Variants in SEMA6D observed in about 807,000 individuals in gnomAD.
SEMA6D encodes the protein semaphorin-6D.
A neutral mutation model predicts 106.6 loss-of-function variants in SEMA6D; 35 were observed. That is an observed-to-expected ratio of 0.33 (90% CI 0.25 to 0.44). The LOEUF (loss-of-function observed/expected upper bound fraction) is 0.44. Ranked by LOEUF, SEMA6D falls within the 20% of genes least tolerant of loss-of-function variation. The pLI, the probability that SEMA6D is intolerant of heterozygous loss-of-function variation, is 1.00. For missense variants in SEMA6D, 1,185 were observed against 1,345.9 expected (o/e 0.88, Z 1.87); for synonymous variants, 499 against 487.7 (o/e 1.02, Z -0.31).
chr15:47,329,257 C>T (rs1053119229), intron 1 of SEMA6D, among the ~76,000 whole-genome samples: 1 of 152,152 alleles, frequency 6.6e-6, no homozygotes, highest in Non-Finnish European at 1.5e-5. Context: ...GCTGAGGGGT[C>T]AGGGAAAGCT....
intron 4 of SEMA6D, among the ~76,000 whole-genome samples, chr15:47,626,428 G>A (rs2144365533): frequency 6.6e-6 from 1 of 152,312 alleles, no homozygotes; most frequent in Non-Finnish European, 1.5e-5. Flanking sequence ...AAAGTGGCCA[G>A]TAACCTACAT....
intron 3 of SEMA6D, among the ~76,000 whole-genome samples, chr15:47,509,206 T>C (rs1383253470): frequency 2.0e-5 from 3 of 152,196 alleles, no homozygotes; most frequent in African/African-American, 7.2e-5. Context: ...AAGCATTTGC[T>C]AAATTCTGGT....
intron 4 of SEMA6D, among the ~76,000 whole-genome samples, chr15:47,711,354 A>G (rs2079020249): frequency 6.7e-6 from 1 of 149,644 alleles, no homozygotes; most frequent in South Asian, 2.1e-4. Flanking sequence ...AATTATTTTT[A>G]CTCGCTGACT....
chr15:47,564,834 G>A (rs2046184014), intron 3 of SEMA6D, among the ~76,000 whole-genome samples: 1 of 152,152 alleles, frequency 6.6e-6, no homozygotes, highest in Admixed American at 6.5e-5. Context: ...GACTCAGCCA[G>A]CAGAGAGGAA....
chr15:47,718,733 C>G (rs945743048), intron 1 of SEMA6D: 6 of 152,264 alleles, frequency 3.9e-5, no homozygotes, highest in Admixed American at 6.5e-5. Context: ...GTTCTCATCT[C>G]CCCATCAATT....
chr15:47,257,352 C>G (rs1415510365), intron 1 of SEMA6D, among the ~76,000 whole-genome samples: 2 of 152,122 alleles, frequency 1.3e-5, no homozygotes, highest in Non-Finnish European at 2.9e-5. Context: ...CCACTGCACC[C>G]GACCAATTCT....
intron 1 of SEMA6D, among the ~76,000 whole-genome samples, chr15:47,309,017 G>A (rs1479101842): frequency 6.6e-6 from 1 of 152,110 alleles, no homozygotes; most frequent in Non-Finnish European, 1.5e-5. Context: ...CTCCATTACT[G>A]TAAGATTGAC....
At chr15:47,608,095 G>A (rs750982722) in intron 4 of SEMA6D, among the ~76,000 whole-genome samples, 18 of 152,084 alleles carry the variant, frequency 1.2e-4, no homozygotes, top group Non-Finnish European at 1.5e-4. Context: ...TGTTCTTTTT[G>A]CAGTCAAGAT....
chr15:47,632,058 T>G (rs2077302205), intron 4 of SEMA6D, among the ~76,000 whole-genome samples: 1 of 151,942 alleles, frequency 6.6e-6, no homozygotes, highest in African/African-American at 2.4e-5. Context: ...TATTTAGAAG[T>G]GTGTTGTTTA....
chr15:47,184,411 GC>G (rs1893394707), exon 1 of SEMA6D: 1 of 152,404 alleles, frequency 6.6e-6, no homozygotes, highest in Non-Finnish European at 1.5e-5. Flanking sequence ...TGAGCCTTCG[GC>G]CCCCAAGTAA....
At chr15:47,200,741 A>G (rs1047257037) in intron 1 of SEMA6D, among the ~76,000 whole-genome samples, 16 of 152,200 alleles carry the variant, frequency 1.1e-4, no homozygotes, top group Non-Finnish European at 1.9e-4. Context: ...CAGTTTTCAA[A>G]AAATTGCCCT....
intron 4 of SEMA6D, among the ~76,000 whole-genome samples, chr15:47,609,565 C>G (rs1457640477): frequency 6.6e-6 from 1 of 152,086 alleles, no homozygotes; most frequent in Non-Finnish European, 1.5e-5. Flanking sequence ...CTTAATTGAC[C>G]CCAAAGGAGG....
intron 1 of SEMA6D, among the ~76,000 whole-genome samples, chr15:47,743,447 C>T (rs536960094): frequency 2.6e-5 from 4 of 151,932 alleles, no homozygotes; most frequent in Non-Finnish European, 5.9e-5. Context: ...ACTATTAAAA[C>T]CCTGTGGACT....
chr15:47,483,613 A>G (rs893389314), intron 3 of SEMA6D, among the ~76,000 whole-genome samples: 1 of 152,216 alleles, frequency 6.6e-6, no homozygotes, highest in Non-Finnish European at 1.5e-5. Flanking sequence ...TTAACTCAGG[A>G]TGTTTTAAAA....
At chr15:47,684,375 A>G (rs1042027330) in intron 4 of SEMA6D, among the ~76,000 whole-genome samples, 2 of 152,038 alleles carry the variant, frequency 1.3e-5, no homozygotes, top group African/African-American at 2.4e-5. Context: ...TATTAATTAT[A>G]TATAATCAAG....
upstream of SEMA6D, among the ~76,000 whole-genome samples, chr15:47,714,102 G>T (rs751331571): frequency 4.6e-5 from 7 of 152,096 alleles, no homozygotes; most frequent in Non-Finnish European, 8.8e-5. Flanking sequence ...AAGCATGTGT[G>T]GCTAAATAAA....
chr15:47,248,627 A>T (rs1405263162), intron 1 of SEMA6D, among the ~76,000 whole-genome samples: 2 of 152,234 alleles, frequency 1.3e-5, no homozygotes, highest in African/African-American at 2.4e-5. Flanking sequence ...TTTTAATGAC[A>T]TTGGGAGTCT....
intron 2 of SEMA6D, among the ~76,000 whole-genome samples, chr15:47,456,594 G>A (rs995550131): frequency 7.2e-5 from 11 of 151,970 alleles, no homozygotes; most frequent in African/African-American, 2.2e-4. Context: ...TGAAGGACCA[G>A]AGACTACATT....
intron 4 of SEMA6D, among the ~76,000 whole-genome samples, chr15:47,694,909 A>G (rs552294504): frequency 1.6e-4 from 25 of 152,310 alleles, no homozygotes; most frequent in Non-Finnish European, 3.4e-4. Context: ...GTTGGTAGTG[A>G]TATATGCTGG....
Sources: allele counts gnomAD v4.1 joint callset (sites outside exome capture counted in the v4.1 genomes callset), GRCh38; gene constraint gnomAD v4.1.1; transcripts MANE v1.5; gene names NCBI Gene and HGNC (gene_info 2026-07-23, HGNC 2026-07-21).